THRB: variants seen among roughly 807,000 people sequenced by gnomAD.
THRB encodes nuclear receptor subfamily 1 group A member 2.
In THRB, 12 loss-of-function variants were observed where a neutral mutation model predicts 47.8. The observed-to-expected ratio is 0.25, with a 90% CI of 0.16 to 0.41. THRB has a LOEUF of 0.41. Among genes scored for constraint, THRB ranks in the 10% least tolerant of loss-of-function variants. THRB has a pLI of 1.00. For missense variants in THRB, 348 were observed against 589.2 expected, an observed-to-expected ratio of 0.59 and a Z score of 4.24; for synonymous variants, 218 against 212.2, an observed-to-expected ratio of 1.03 and a Z score of -0.24.
intron 4 of THRB, among the ~76,000 whole-genome samples, chr3:24,219,683 GAT>G: frequency 6.6e-6 from 1 of 152,302 alleles, no homozygotes; most frequent in Middle Eastern, 3.4e-3. Flanking sequence ...TAGGTACTCA[GAT>G]GGCCAAACTA....
chr3:24,443,621 T>G (rs536537183), intron 1 of THRB, among the ~76,000 whole-genome samples: 6 of 152,298 alleles, frequency 3.9e-5, no homozygotes, highest in African/African-American at 1.4e-4. Context: ...CCAAGTAGGC[T>G]TTGGTCCAAG....
In THRB at chr3:24,433,308, A is replaced by T. The variant is rs115771303; in HGVS notation, c.-261+61344T>A. On this transcript the variant is annotated intron_variant, in intron 1 of 10. Coordinates refer to ENST00000646209, the MANE Select transcript of THRB (RefSeq NM_001354712.2). ...TCTGATGAGAAGATTATGCTGGATT[A>T]TCTGGTGGCCCAGTATGGTCATAAA... 4.4e-3 allele frequency among the ~76,000 whole-genome samples: 668 copies of T among 152,290 alleles called. 6 individuals carry two copies. Among genetic ancestry groups the T allele is most frequent in the African/African-American group, 0.015 (635 of 41,578 alleles).
chr3:24,442,250 C>T (rs1029567355), intron 1 of THRB, among the ~76,000 whole-genome samples: 3 of 152,162 alleles, frequency 2.0e-5, no homozygotes, highest in Admixed American at 6.5e-5. Context: ...CTATAAGCTA[C>T]TTATTATATG....
chr3:24,292,755 A>G (rs2056059068), intron 3 of THRB, among the ~76,000 whole-genome samples: 1 of 152,204 alleles, frequency 6.6e-6, no homozygotes, highest in Non-Finnish European at 1.5e-5. Context: ...TAAGAAAATC[A>G]ATAACAATAA....
intron 3 of THRB, among the ~76,000 whole-genome samples, chr3:24,243,507 C>A (rs999360384): frequency 6.6e-6 from 1 of 151,944 alleles, no homozygotes; most frequent in African/African-American, 2.4e-5. Context: ...GCTCATGCCT[C>A]CAACACCTGC....
At chr3:24,161,411 TA>T (rs1232764686) in intron 5 of THRB, among the ~76,000 whole-genome samples, 1 of 151,166 alleles carries the variant, frequency 6.6e-6, no homozygotes, top group African/African-American at 2.4e-5. Flanking sequence ...AATTCAAGTA[TA>T]GGGGAAGAAT....
intron 1 of THRB, chr3:24,494,047 C>G (rs1003761131): frequency 6.5e-6 from 1 of 153,064 alleles, no homozygotes; most frequent in Non-Finnish European, 1.5e-5. Flanking sequence ...AGGAGGCTAG[C>G]GAAATCCCCG....
chr3:24,402,678 T>A lies in THRB; in HGVS notation c.-260-65307A>T, dbSNP rs138390351. On this transcript the variant is annotated intron_variant, in intron 1 of 10. Coordinates refer to ENST00000646209, the MANE Select transcript of THRB (RefSeq NM_001354712.2). ...ATCATCAACTAAAAGATACTACCATTTATTTAACTAATTACCTATCATTAA... is the reference window on the plus strand; with the variant it reads ...ATCATCAACTAAAAGATACTACCATATATTTAACTAATTACCTATCATTAA... Among the ~76,000 whole-genome samples the A allele has an allele frequency of 8.2e-4, 124 of 152,094 alleles. 2 individuals are homozygous for A. Among genetic ancestry groups the A allele is most frequent in the Non-Finnish European group, 1.1e-3 (74 of 67,946 alleles).
At chr3:24,190,361 C>T (rs772445336) in intron 4 of THRB, 27 bp from the exon 5 acceptor site, 28 of 1,613,706 alleles carry the variant, frequency 1.7e-5, no homozygotes, top group East Asian at 1.1e-4. Flanking sequence ...CACGAGATGA[C>T]GAGCTGTTGG....
At chr3:24,182,339 C>T (rs1022295584) in intron 5 of THRB, among the ~76,000 whole-genome samples, 59 of 152,144 alleles carry the variant, frequency 3.9e-4, no homozygotes, top group Non-Finnish European at 7.4e-4. Context: ...TGATCACCTA[C>T]GATGTCTTTG....
In THRB at chr3:24,239,418, A is replaced by G. The variant is rs142609260; in HGVS notation, c.-42-10417T>C. On this transcript the variant is annotated intron_variant, in intron 3 of 10. Coordinates refer to ENST00000646209, the MANE Select transcript of THRB (RefSeq NM_001354712.2). ...AGGAATGCACCAGAGCAATTAGAGC[A>G]ATCATTAGTTCCAATTTGCAAGAAT... Among the ~76,000 whole-genome samples the G allele has an allele frequency of 2.9e-4, 44 of 152,284 alleles. No homozygotes were observed. The East Asian group carries it at 8.5e-3, about 29-fold the overall frequency.
chr3:24,210,911 T>C (rs1372458011), intron 4 of THRB, among the ~76,000 whole-genome samples: 1 of 152,068 alleles, frequency 6.6e-6, no homozygotes, highest in Non-Finnish European at 1.5e-5. Context: ...ATATAAAAGA[T>C]GGTGGGGCCA....
intron 10 of THRB, among the ~76,000 whole-genome samples, chr3:24,125,915 T>C (rs2032685220): frequency 6.6e-6 from 1 of 151,742 alleles, no homozygotes; most frequent in Non-Finnish European, 1.5e-5. Context: ...CATTAGGAGG[T>C]GGTGGGGAGT....
At chr3:24,180,189 C>T (rs1443702775) in intron 5 of THRB, among the ~76,000 whole-genome samples, 3 of 152,046 alleles carry the variant, frequency 2.0e-5, no homozygotes, top group Non-Finnish European at 4.4e-5. Context: ...CAGAACTAGG[C>T]AAACAAAGAG....
In THRB at chr3:24,253,159, A is replaced by G. The variant is rs563357423; in HGVS notation, c.-42-24158T>C. Among the ~76,000 whole-genome samples the G allele has an allele frequency of 3.3e-5, 5 of 152,360 alleles. No homozygotes were observed. The East Asian group carries it at 5.8e-4, about 18-fold the overall frequency. On this transcript the variant is annotated intron_variant, in intron 3 of 10. Coordinates refer to ENST00000646209, the MANE Select transcript of THRB (RefSeq NM_001354712.2). ...AAAATTGCTGTGGAGATGAAATGCA[A>G]TAACATAATAGAGGCATAAAATAAA...
At chr3:24,333,178 T>C (rs2062032880) in intron 2 of THRB, among the ~76,000 whole-genome samples, 1 of 152,112 alleles carries the variant, frequency 6.6e-6, no homozygotes, top group East Asian at 1.9e-4. Flanking sequence ...TACAAGCAGT[T>C]TGGTGGATGA....
chr3:24,474,848 G>C (rs1381017436), intron 1 of THRB, among the ~76,000 whole-genome samples: 1 of 152,186 alleles, frequency 6.6e-6, no homozygotes, highest in Non-Finnish European at 1.5e-5. Flanking sequence ...ACCTGTATCA[G>C]ATAGGTGACT....
At chr3:24,262,796 AT>A (rs1201408181) in intron 3 of THRB, among the ~76,000 whole-genome samples, 7 of 151,766 alleles carry the variant, frequency 4.6e-5, no homozygotes, top group African/African-American at 1.7e-4. Flanking sequence ...TATACTGCCT[AT>A]TTTCCCCTAC....
intron 1 of THRB, among the ~76,000 whole-genome samples, chr3:24,440,629 G>A (rs1273464568): frequency 6.6e-6 from 1 of 152,024 alleles, no homozygotes; most frequent in Non-Finnish European, 1.5e-5. Flanking sequence ...GGAGACAAAG[G>A]TCAGAATGAC....
Sources: gnomAD v4.1 joint callset for allele counts (sites outside exome capture counted in the v4.1 genomes callset) on GRCh38, gnomAD v4.1.1 for gene constraint, MANE v1.5 for transcripts, NCBI Gene and HGNC (gene_info 2026-07-23, HGNC 2026-07-21) for gene names.